ZBTB20: variants seen among roughly 807,000 people sequenced by gnomAD.
ZBTB20 encodes zinc finger and BTB domain containing 20, also known as zinc finger and BTB domain-containing protein 20.
ZBTB20 carries 9 observed loss-of-function variants against 56.9 expected under a neutral mutation model. The ratio of observed to expected loss-of-function variants is 0.16; its 90% CI spans 0.10 to 0.28. The LOEUF (loss-of-function observed/expected upper bound fraction) is 0.28, where lower values mean the gene tolerates loss of function less well. Ranked by LOEUF, ZBTB20 falls within the 10% of genes least tolerant of loss-of-function variation. ZBTB20 has a pLI of 1.00. For missense variants in ZBTB20, 655 were observed against 1,003.0 expected (o/e 0.65, Z 4.69); for synonymous variants, 417 against 420.7 (o/e 0.99, Z 0.11).
intron 3 of ZBTB20, among the ~76,000 whole-genome samples, chr3:114,928,278 C>G (rs1195723440): frequency 6.6e-6 from 1 of 152,208 alleles, no homozygotes; most frequent in African/African-American, 2.4e-5. Context: ...GTTTCTAAGT[C>G]GAAGGCTGCA....
chr3:114,913,416 T>C (rs532593736), intron 3 of ZBTB20, among the ~76,000 whole-genome samples: 1 of 152,162 alleles, frequency 6.6e-6, no homozygotes. Context: ...CTTTTCCCCA[T>C]TTTTTATTTG....
At chr3:114,691,385 G>A (rs2062688677) in intron 6 of ZBTB20, among the ~76,000 whole-genome samples, 1 of 152,030 alleles carries the variant, frequency 6.6e-6, no homozygotes. Context: ...GTGCAAGCTG[G>A]TGATGAGTAC....
chr3:115,103,811 C>T (rs1003321492), intron 1 of ZBTB20, among the ~76,000 whole-genome samples: 11 of 152,088 alleles, frequency 7.2e-5, no homozygotes, highest in African/African-American at 2.2e-4. Context: ...AGATACAACA[C>T]CAAAGACATA....
intron 4 of ZBTB20, among the ~76,000 whole-genome samples, chr3:114,894,017 C>G (rs2074754291): frequency 6.6e-6 from 1 of 152,152 alleles, no homozygotes; most frequent in Non-Finnish European, 1.5e-5. Flanking sequence ...TCCCTTGACA[C>G]AAGTCCTAAT....
intron 3 of ZBTB20, among the ~76,000 whole-genome samples, chr3:114,919,827 G>T (rs2075889896): frequency 6.6e-6 from 1 of 152,064 alleles, no homozygotes; most frequent in Non-Finnish European, 1.5e-5. Flanking sequence ...AATACAAAGA[G>T]TGGCTCAACA....
chr3:114,418,833 T>G (rs1473842335), intron 7 of ZBTB20, among the ~76,000 whole-genome samples: 1 of 152,094 alleles, frequency 6.6e-6, no homozygotes, highest in Non-Finnish European at 1.5e-5. Context: ...TGTTTCCACA[T>G]CGACCATATG....
chr3:114,449,407 C>A (rs910463947), intron 7 of ZBTB20, among the ~76,000 whole-genome samples: 1 of 151,952 alleles, frequency 6.6e-6, no homozygotes, highest in Admixed American at 6.6e-5. Context: ...TGGTAAGAAT[C>A]GATAAGAATG....
At chr3:114,652,193 G>C (rs146057402) in intron 6 of ZBTB20, among the ~76,000 whole-genome samples, 6 of 152,082 alleles carry the variant, frequency 3.9e-5, no homozygotes, top group African/African-American at 1.4e-4. Flanking sequence ...CCCCCTTCCA[G>C]TTAATTTCTA....
intron 4 of ZBTB20, among the ~76,000 whole-genome samples, chr3:114,862,692 T>C (rs78719075): frequency 0.024 from 3,642 of 152,224 alleles, 53 homozygotes; most frequent in South Asian, 0.051. Flanking sequence ...GAGGGTTCAG[T>C]TGGTATTTGT....
At chr3:114,642,342 C>G (rs2059604787) in intron 6 of ZBTB20, among the ~76,000 whole-genome samples, 1 of 152,018 alleles carries the variant, frequency 6.6e-6, no homozygotes, top group African/African-American at 2.4e-5. Context: ...CCTTGTGAAC[C>G]TGTAAACCTC....
chr3:115,091,074 TAGA>T (rs1157125825), intron 1 of ZBTB20, among the ~76,000 whole-genome samples: 1 of 151,832 alleles, frequency 6.6e-6, no homozygotes, highest in Non-Finnish European at 1.5e-5. Flanking sequence ...GGTTAAAGAA[TAGA>T]AGGAGAGTGG....
chr3:115,030,476 T>C (rs767553074), intron 2 of ZBTB20, among the ~76,000 whole-genome samples: 1 of 151,320 alleles, frequency 6.6e-6, no homozygotes. Flanking sequence ...TCTTTCTGCA[T>C]GCTCATTTCC....
At chr3:114,556,289 G>C (rs769452897) in intron 6 of ZBTB20, among the ~76,000 whole-genome samples, 6 of 151,960 alleles carry the variant, frequency 3.9e-5, no homozygotes, top group African/African-American at 9.7e-5. Context: ...GAAGTCCCCT[G>C]TACCTTCCCA....
chr3:114,787,434 T>C (rs2070636023), intron 5 of ZBTB20, among the ~76,000 whole-genome samples: 1 of 149,086 alleles, frequency 6.7e-6, no homozygotes. Flanking sequence ...TATATACACG[T>C]ATATACACAT....
intron 4 of ZBTB20, among the ~76,000 whole-genome samples, chr3:114,866,400 C>G (rs555824295): frequency 1.8e-4 from 27 of 152,218 alleles, no homozygotes; most frequent in Admixed American, 6.5e-4. Context: ...GTGATAATAA[C>G]CAATAGTGTC....
At chr3:114,414,716 ATATAAAATATATAAAATATAAT>A (rs2088339787) in intron 7 of ZBTB20, among the ~76,000 whole-genome samples, 6 of 147,798 alleles carry the variant, frequency 4.1e-5, no homozygotes, top group African/African-American at 4.9e-5. Flanking sequence ...CTATATATTT[ATATAAAATATATAAAATATAAT>A]TATAAAATAT....
rs139385448 is a variant in ZBTB20, at chr3:114,893,919, G to A, written c.-417+6385C>T. Among the ~76,000 whole-genome samples the A allele has an allele frequency of 6.0e-4, 92 of 152,170 alleles. No individual in the cohort carries two copies. In the East Asian group the frequency reaches 0.015, roughly 24 times the overall value. On this transcript the variant is annotated intron_variant, in intron 4 of 11. Transcript: ENST00000675478. ...AGGAGCGCTAAAACACTAAGCCTTC[G>A]AAGACAATTGTCAGTAAAAAATTCA...
rs1447442372 is a variant in ZBTB20 at position 114,375,732 on chromosome 3, G to C, written c.199+4485C>G. The C allele has an allele frequency of 1.3e-5, 2 of 152,250 alleles. 1 individual carries two copies. The highest frequency in any genetic ancestry group is 4.1e-4 in the South Asian group (2 of 4,820). The allele number at this position is 152,250 out of a possible 1,614,324, so 9.4% of individuals were successfully genotyped here. A position where few individuals can be genotyped will look rare whatever the true frequency, so the allele number is the denominator to read the frequency against. ...TTCACAGAAATGAATAATTTCCTTC[G>C]AAATATCCCTTACCCTATTTACATG... is the stretch of plus-strand genomic sequence containing the variant. On this transcript the variant is annotated intron_variant, in intron 10 of 11. Coordinates refer to ENST00000675478, the MANE Select transcript of ZBTB20 (RefSeq NM_001348800.3).
chr3:114,921,990 A>G (rs1005322642), intron 3 of ZBTB20, among the ~76,000 whole-genome samples: 1 of 152,206 alleles, frequency 6.6e-6, no homozygotes, highest in African/African-American at 2.4e-5. Context: ...CAGCACATTA[A>G]AAGGATCATA....
Sources: allele counts gnomAD v4.1 joint callset (sites outside exome capture counted in the v4.1 genomes callset), GRCh38; gene constraint gnomAD v4.1.1; transcripts MANE v1.5; gene names NCBI Gene and HGNC (gene_info 2026-07-23, HGNC 2026-07-21).